The following IL4I1 variants were observed in gnomAD, a reference collection of about 807,000 sequenced individuals.
The protein encoded by IL4I1 is L-amino-acid oxidase.
A neutral mutation model predicts 29.7 loss-of-function variants in IL4I1; 24 were observed. That is an observed-to-expected ratio of 0.81 (90% CI 0.59 to 1.14). The LOEUF is 1.14. IL4I1 is among the 50% of genes most tolerant of loss of function. The pLI, the probability that IL4I1 is intolerant of heterozygous loss-of-function variation, is 0.00. For missense variants in IL4I1, 686 were observed against 785.6 expected (o/e 0.87, Z 1.52); for synonymous variants, 371 against 352.5 (o/e 1.05, Z -0.59).
intron 2 of IL4I1, among the ~76,000 whole-genome samples, chr19:49,919,337 G>A (rs1245610737): frequency 2.0e-5 from 3 of 152,198 alleles, no homozygotes; most frequent in Non-Finnish European, 4.4e-5. Context: ...AAACAAAAGC[G>A]TGGTTGGCAC....
At position 49,903,523 on chromosome 19, in the gene IL4I1, C is replaced by T. The variant is rs75729167; in HGVS notation, c.-105+676G>A. On this transcript the variant is annotated intron_variant, in intron 3 of 9. Transcript: ENST00000341114. ...TGGCTGCTGTGCAAGAAGCAGACCT[C>T]GCTTCCGAGCGTGAGGGCTTTGCTC... 1.5e-3 allele frequency among the ~76,000 whole-genome samples: 230 copies of T among 152,262 alleles called. 2 individuals are homozygous for T. The highest frequency in any genetic ancestry group is 5.3e-3 in the African/African-American group (221 of 41,554).
Position 49,890,137 on chromosome 19 carries a change from C to T in IL4I1, c.1237G>A (p.Glu413Lys), listed in dbSNP as rs1355993032. Residue 413 changes from glutamate to lysine, a missense_variant, in exon 8 of 8, where the codon GAA (glutamate) becomes AAA (lysine). By Grantham distance (56) the Glu-to-Lys change is moderately conservative (BLOSUM62 1). Transcript: ENST00000391826. ...AAAAFAGLSR[E>K]EALRLALDDV... is the part of the protein sequence containing the mutation. ...TCGAGCGCCAAGCGCAACGCCTCTT[C>T]CCGGCTCAAGCCGGCGAACGCTGCC... 4.9e-5 allele frequency: 76 copies of T among 1,542,376 alleles called. No homozygotes were observed. Among genetic ancestry groups the T allele is most frequent in the Middle Eastern group, 1.9e-4 (1 of 5,358 alleles).
rs1035355541 is a variant in IL4I1 at position 49,921,037 on chromosome 19, A to G, written c.-228+6657T>C. Among the ~76,000 whole-genome samples, 8 of 152,128 alleles carry G rather than the reference A, an allele frequency of 5.3e-5. No individual in the cohort carries two copies. The highest frequency in any genetic ancestry group is 1.9e-4 in the African/African-American group (8 of 41,408). ...AGATGGGGGCAGGGTGGCTTTCATT[A>G]TGAGAACTGGAAGCAAACACAGCCC... is the stretch of plus-strand genomic sequence containing the variant. On this transcript the variant is annotated intron_variant, in intron 2 of 9. Coordinates refer to the IL4I1 transcript ENST00000341114. This position sits in a 1 kb window ranked among gnomAD's most constrained non-coding sequence, Gnocchi z 5.4.
At chr19:49,906,355 C>G (rs545696013) in intron 2 of IL4I1, among the ~76,000 whole-genome samples, 1 of 152,104 alleles carries the variant, frequency 6.6e-6, no homozygotes, top group East Asian at 1.9e-4. Context: ...ACCACAGTTG[C>G]GTGCCACCAC....
intron 5 of IL4I1, 27 bp downstream of exon 5, chr19:49,894,241 C>T (rs752893440): frequency 1.4e-5 from 22 of 1,600,434 alleles, no homozygotes; most frequent in East Asian, 4.5e-5. Context: ...GAAGTCAGGG[C>T]GGGAGGAGGG....
At chr19:49,910,836 G>T (rs182989779) in intron 2 of IL4I1, among the ~76,000 whole-genome samples, 1 of 152,214 alleles carries the variant, frequency 6.6e-6, no homozygotes, top group East Asian at 1.9e-4. Flanking sequence ...TCCCAGTGGT[G>T]CCATCTATCA....
intron 2 of IL4I1, chr19:49,908,834 C>G: frequency 6.2e-7 from 1 of 1,612,808 alleles, no homozygotes. Context: ...CATGGCGGAG[C>G]TGGCAGCCGC....
intron 2 of IL4I1, among the ~76,000 whole-genome samples, chr19:49,920,667 G>A (rs1195871642): frequency 6.6e-6 from 1 of 152,202 alleles, no homozygotes; most frequent in Non-Finnish European, 1.5e-5. Context: ...CTAAGGGCAG[G>A]CCCATGCCTT....
chr19:49,916,358 T>C (rs2075623468), intron 2 of IL4I1, among the ~76,000 whole-genome samples: 1 of 150,758 alleles, frequency 6.6e-6, no homozygotes. Context: ...TTTTGTATTT[T>C]TTTTTTTTTT....
At position 49,902,428 on chromosome 19, in the gene IL4I1, C is replaced by T. The variant is rs564511168; in HGVS notation, c.-104-607G>A. 5.4e-5 allele frequency among the ~76,000 whole-genome samples: 8 copies of T among 148,610 alleles called. No homozygotes were observed. In the East Asian group the frequency reaches 5.9e-4, roughly 11 times the overall value. On this transcript the variant is annotated intron_variant, in intron 3 of 9. Coordinates refer to the IL4I1 transcript ENST00000341114. ...AGGCTGGAGTGCAGTGGCACGATCT[C>T]GGCTCACTGCAAGCTCCGGATGGCA... is the stretch of plus-strand genomic sequence containing the variant.
Position 49,896,032 on chromosome 19 carries a change from A to G in IL4I1, c.35T>C (p.Val12Ala), listed in dbSNP as rs1210338207. The change falls in exon 3 of 8, where the codon GTC becomes GCC. Residue 12 changes from valine (V) to alanine (A), a missense_variant. Coordinates refer to ENST00000391826, the MANE Select transcript of IL4I1 (RefSeq NM_152899.2). ...GGCCACCAGGCTGAGGAGGATGGGG[A>G]CGAGGACGAGGAGGTGCAGGGCTGG... is the stretch of plus-strand genomic sequence containing the variant. ...APLALHLLVLVPILLSLVASQ... is the reference protein window; with the variant it reads ...APLALHLLVLAPILLSLVASQ... 6.2e-7 allele frequency: 1 copy of G among 1,614,010 alleles called. No individual in the cohort carries two copies. Among genetic ancestry groups the G allele is most frequent in the Non-Finnish European group, 8.5e-7 (1 of 1,179,958 alleles).
At chr19:49,904,983 T>G (rs2075303561) in intron 2 of IL4I1, among the ~76,000 whole-genome samples, 1 of 152,148 alleles carries the variant, frequency 6.6e-6, no homozygotes, top group African/African-American at 2.4e-5. Flanking sequence ...GGGCTGGGAT[T>G]ACAGGCATGA....
At chr19:49,912,304 G>A (rs2075488300) in intron 2 of IL4I1, among the ~76,000 whole-genome samples, 1 of 152,006 alleles carries the variant, frequency 6.6e-6, no homozygotes, top group South Asian at 2.1e-4. Context: ...AAGTAGCTGG[G>A]ATTACAGGCG....
chr19:49,918,902 G>C (rs1490216526), intron 2 of IL4I1, among the ~76,000 whole-genome samples: 37 of 149,358 alleles, frequency 2.5e-4, no homozygotes, highest in African/African-American at 8.1e-4. Flanking sequence ...GGCTGGGGGG[G>C]GGGGGGCGGG....
chr19:49,893,571 T>C (rs1055643248), intron 5 of IL4I1, among the ~76,000 whole-genome samples: 3 of 151,844 alleles, frequency 2.0e-5, no homozygotes, highest in Admixed American at 6.6e-5. Context: ...CATCAGCCCA[T>C]GGATCTATGT....
At chr19:49,899,657 C>T (rs181390516), upstream of IL4I1, among the ~76,000 whole-genome samples, 18 of 151,828 alleles carry the variant, frequency 1.2e-4, no homozygotes, top group South Asian at 4.2e-4. Flanking sequence ...CCTGGGTTCA[C>T]GCCATTCTCC....
chr19:49,923,465 C>T (rs928001685), intron 2 of IL4I1, among the ~76,000 whole-genome samples: 2 of 152,160 alleles, frequency 1.3e-5, no homozygotes, highest in Non-Finnish European at 2.9e-5. Flanking sequence ...TCGAAGCGTT[C>T]GGGGGAGCAG....
chr19:49,897,403 G>A (rs998933347), upstream of IL4I1, among the ~76,000 whole-genome samples: 5 of 152,172 alleles, frequency 3.3e-5, no homozygotes, highest in African/African-American at 7.2e-5. Flanking sequence ...GCTGGCAGCC[G>A]TGGTCCCGGG....
intron 2 of IL4I1, among the ~76,000 whole-genome samples, chr19:49,925,860 T>G (rs995491328): frequency 3.9e-5 from 6 of 152,196 alleles, no homozygotes; most frequent in Admixed American, 2.6e-4. Context: ...CCGTATTATC[T>G]TTGCAACTTT....
Sources: gnomAD v4.1 joint callset for allele counts (sites outside exome capture counted in the v4.1 genomes callset) on GRCh38, gnomAD v4.1.1 for gene constraint, Gnocchi (gnomAD v3.1) non-coding constraint, MANE v1.5 for transcripts, NCBI Gene and HGNC (gene_info 2026-07-23, HGNC 2026-07-21) for gene names.